The following TTN variants were observed in gnomAD, a reference collection of about 807,000 sequenced individuals.
TTN encodes the protein titin.
TTN carries 1,525 observed loss-of-function variants against 3,223.0 expected under a neutral mutation model. That is an observed-to-expected ratio of 0.47 (90% CI 0.45 to 0.49). The LOEUF is 0.49. Ranked by LOEUF, TTN falls within the 20% of genes least tolerant of loss-of-function variation. The pLI is 0.00. For missense variants in TTN, 40,786 were observed against 43,424.0 expected (o/e 0.94, Z 5.40); for synonymous variants, 14,094 against 15,161.0 (o/e 0.93, Z 5.17).
intron 236 of TTN, 133 bp from the exon 237 acceptor site, chr2:178,631,433 C>A: frequency 1.0e-6 from 1 of 979,430 alleles, no homozygotes; most frequent in South Asian, 1.8e-5. Flanking sequence ...AATCATTTAA[C>A]CTGTTTATGT....
intron 288 of TTN, chr2:178,600,414 T>C (rs1328203886): frequency 1.7e-5 from 1 of 58,544 alleles, no homozygotes; most frequent in Non-Finnish European, 2.8e-5. Flanking sequence ...TATTACCATA[T>C]ATATATATAT....
Position 178,781,930 on chromosome 2 carries a change from G to GT in TTN, c.3380+281_3380+282insA, listed in dbSNP as rs56172433. On this transcript the variant is annotated intron_variant, in intron 20 of 362. Coordinates refer to ENST00000589042, the MANE Select transcript of TTN (RefSeq NM_001267550.2). Reference sequence around the variant, plus strand: ...AGTGTGTGTGTGTGTGTGTGTGTGTGGGTGTGTTTGTGTGAAAATCCATAT... The same window carrying GT: ...AGTGTGTGTGTGTGTGTGTGTGTGTGTGGTGTGTTTGTGTGAAAATCCATAT... Among the ~76,000 whole-genome samples, 54 of 151,028 alleles carry GT rather than the reference G, an allele frequency of 3.6e-4. No individual in the cohort carries two copies. In the East Asian group the frequency reaches 3.7e-3, roughly 10 times the overall value.
At position 178,577,810 on chromosome 2, in the gene TTN, C is replaced by T. The variant is rs759830525; in HGVS notation, c.68616G>A (p.Lys22872=). 2 of 1,612,404 alleles carry T rather than the reference C, an allele frequency of 1.2e-6. No individual in the cohort carries two copies. Among genetic ancestry groups the T allele is most frequent in the Non-Finnish European group, 1.7e-6 (2 of 1,179,150 alleles). The part of the protein sequence containing the change: ...WTEPKYDGGH[K]LTGYIVEKRD... ...GCTTCTCCACTATATATCCAGTTAACTTATGACCACCGTCATATTTAGGTT... is the reference window on the plus strand; with the variant it reads ...GCTTCTCCACTATATATCCAGTTAATTTATGACCACCGTCATATTTAGGTT... Residue 22872 remains lysine (K), a synonymous_variant, in exon 323 of 363, where the codon AAG becomes AAA. Coordinates refer to ENST00000589042, the MANE Select transcript of TTN (RefSeq NM_001267550.2).
rs781674438 is a variant in TTN, at chr2:178,750,450, T to C, written c.11311+2674A>G. On this transcript the variant is annotated intron_variant, in intron 47 of 362. Coordinates refer to ENST00000589042, the MANE Select transcript of TTN (RefSeq NM_001267550.2). ...ATGATAAAGTTTTGATTACGTGGGA[T>C]TGGCATGTCATTGTTATACCACGTC... The C allele has an allele frequency of 6.8e-6, 11 of 1,612,874 alleles. No homozygotes were observed. The South Asian group carries it at 7.7e-5, about 11-fold the overall frequency.
chr2:178,759,715 A>T (rs183303417), intron 43 of TTN, among the ~76,000 whole-genome samples: 46 of 152,360 alleles, frequency 3.0e-4, no homozygotes, highest in Non-Finnish European at 6.2e-4. Context: ...ACTAATGAGC[A>T]AAAGGTTTCA....
In TTN at chr2:178,749,888, C is replaced by T. The variant is rs548018292; in HGVS notation, c.11311+3236G>A. 10 of 1,613,198 alleles carry T rather than the reference C, an allele frequency of 6.2e-6. No individual in the cohort carries two copies. The East Asian group carries it at 1.8e-4, about 29-fold the overall frequency. On this transcript the variant is annotated intron_variant, in intron 47 of 362. Coordinates refer to ENST00000589042, the MANE Select transcript of TTN (RefSeq NM_001267550.2). The stretch of plus-strand genomic sequence containing the variant: ...TTCAAGAATGATGGAATCCCCTTCT[C>T]TACACCTGGCATGCTTTGGCATTTC...
At position 178,636,507 on chromosome 2, in the gene TTN, G is replaced by A; in HGVS notation, c.41220C>T (p.Asp13740=). 6.2e-7 allele frequency: 1 copy of A among 1,613,454 alleles called. No homozygotes were observed. The highest frequency in any genetic ancestry group is 2.2e-5 in the East Asian group (1 of 44,774). The part of the protein sequence containing the change: ...PKHRFIADGK[D]RKLHIIDVQL... ...GAACATCAATGATGTGCAGCTTTCT[G>A]TCTTTACCATCTGCAATAAACCTGT... The change falls in exon 225 of 363, where the codon GAC becomes GAT. Residue 13740 remains aspartate (D), a synonymous_variant. Coordinates refer to ENST00000589042, the MANE Select transcript of TTN (RefSeq NM_001267550.2). This position sits in a 1 kb window ranked among gnomAD's most constrained non-coding sequence, Gnocchi z 4.3.
Position 178,736,081 on chromosome 2 carries a change from A to G in TTN, c.14372-7T>C. On this transcript the variant is annotated splice_polypyrimidine_tract_variant and splice_region_variant and intron_variant, in intron 49 of 362. Coordinates refer to ENST00000589042, the MANE Select transcript of TTN (RefSeq NM_001267550.2). Reference sequence around the variant, plus strand: ...AAGGTTGGTGGATATGCCTCTGCAAAAGAAATTTTTCCAGCATTACATTTA... The same window carrying G: ...AAGGTTGGTGGATATGCCTCTGCAAGAGAAATTTTTCCAGCATTACATTTA... 6.5e-7 allele frequency: 1 copy of G among 1,544,306 alleles called. No homozygotes were observed. The highest frequency in any genetic ancestry group is 2.3e-5 in the East Asian group (1 of 44,258).
rs1254178155 is a variant in TTN, at chr2:178,566,519, G to C, written c.79613C>G (p.Thr26538Ser). 1 of 1,613,406 alleles carries C rather than the reference G, an allele frequency of 6.2e-7. No homozygotes were observed. The highest frequency in any genetic ancestry group is 1.7e-5 in the Admixed American group (1 of 59,970). ...KADEEEWQIVTPQTGLRVTRF... is the reference protein window; with the variant it reads ...KADEEEWQIVSPQTGLRVTRF... ...AGTGACTCTCAGGCCAGTCTGTGGA[G>C]TAACTATTTGCCATTCTTCTTCATC... Residue 26538 changes from threonine to serine, a missense_variant, in exon 326 of 363, where the codon ACT becomes AGT. By Grantham distance (58) the Thr-to-Ser change is moderately conservative. Transcript: ENST00000589042.
rs769408487 is a variant in TTN at position 178,581,734 on chromosome 2, G to A, written c.66534C>T (p.Gly22178=). ...TTRSSVSLSW[G]KPAYDGGSPI... ...GGCTGCCGCCGTCATAGGCTGGCTTGCCCCAAGATAGACTCACAGAGCTGC... is the reference window on the plus strand; with the variant it reads ...GGCTGCCGCCGTCATAGGCTGGCTTACCCCAAGATAGACTCACAGAGCTGC... The change falls in exon 316 of 363, where the codon GGC becomes GGT. Residue 22178 remains glycine (G), a synonymous_variant. Coordinates refer to ENST00000589042, the MANE Select transcript of TTN (RefSeq NM_001267550.2). The A allele has an allele frequency of 3.1e-6, 5 of 1,609,100 alleles. No individual in the cohort carries two copies. The highest frequency in any genetic ancestry group is 4.2e-6 in the Non-Finnish European group (5 of 1,177,570).
At chr2:178,695,057 T>C (rs1174436361) in intron 115 of TTN, among the ~76,000 whole-genome samples, 151 bp from the exon 116 acceptor site, 2 of 151,858 alleles carry the variant, frequency 1.3e-5, no homozygotes, top group Non-Finnish European at 2.9e-5. Context: ...GAGAGATGAG[T>C]TCGGTTTTTT....
chr2:178,700,803 G>T (rs569126273), intron 111 of TTN, among the ~76,000 whole-genome samples: 259 of 151,688 alleles, frequency 1.7e-3, no homozygotes, highest in African/African-American at 6.0e-3. Flanking sequence ...ACTAGAAATT[G>T]GTTCCATTAT....
rs758101152 is a variant in TTN at position 178,620,102 on chromosome 2, C to G, written c.46315G>C (p.Glu15439Gln). 2 of 1,608,816 alleles carry G rather than the reference C, an allele frequency of 1.2e-6. No individual in the cohort carries two copies. Among genetic ancestry groups the G allele is most frequent in the African/African-American group, 1.3e-5 (1 of 74,608 alleles). Residue 15439 changes from glutamate to glutamine, a missense_variant, in exon 249 of 363, where the codon GAA becomes CAA. Transcript: ENST00000589042. Reference sequence around the variant, plus strand: ...AGTCTGTGTATACTTCCATCTTTTTCAAATTTGTATCTAAAGGAGACATTG... The same window carrying G: ...AGTCTGTGTATACTTCCATCTTTTTGAAATTTGTATCTAAAGGAGACATTG... ...EIKEGKKYKF[E>Q]KDGSIHRLII...
intron 45 of TTN, among the ~76,000 whole-genome samples, chr2:178,757,227 A>ATACTGTACTTGCTTTAAGTAGAGTAAG (rs1553968975): frequency 2.0e-5 from 3 of 150,314 alleles, no homozygotes; most frequent in Middle Eastern, 3.4e-3. Context: ...ACAGTAAGTA[A>ATACTGTACTTGCTTTAAGTAGAGTAAG]TAATCAGCAA....
rs756959571 is a variant in TTN at position 178,631,052 on chromosome 2, C to T, written c.43996G>A (p.Gly14666Arg). 3 of 1,613,060 alleles carry T rather than the reference C, an allele frequency of 1.9e-6. No individual in the cohort carries two copies. The highest frequency in any genetic ancestry group is 3.3e-5 in the Admixed American group (2 of 59,928). Reference sequence around the variant, plus strand: ...TCCTTACCCTCAATGTCAAGTTTTCCTGAGGTCTTATCTGTCCCACAGTCA... The same window carrying T: ...TCCTTACCCTCAATGTCAAGTTTTCTTGAGGTCTTATCTGTCCCACAGTCA... ...TCDCGTDKTSGKLDIEDREIK... is the reference protein window; with the variant it reads ...TCDCGTDKTSRKLDIEDREIK... Residue 14666 changes from glycine to arginine, a missense_variant, in exon 237 of 363, where the codon GGA becomes AGA. By Grantham distance (125) the Gly-to-Arg change is moderately radical. Coordinates refer to ENST00000589042, the MANE Select transcript of TTN (RefSeq NM_001267550.2).
In TTN at chr2:178,799,311, C is replaced by A. The variant is rs2093930393; in HGVS notation, c.914+176G>T. 1.7e-5 allele frequency: 16 copies of A among 946,782 alleles called. No homozygotes were observed. The South Asian group carries it at 2.6e-4, about 15-fold the overall frequency. The allele number at this position is 946,782 out of a possible 1,614,324, so 58.6% of individuals were successfully genotyped here. A position where few individuals can be genotyped will look rare whatever the true frequency, so the allele number is the denominator to read the frequency against. Reference sequence around the variant, plus strand: ...AAGCGGCTGGATGTCCAGAGGAACACGGAGCCCCACAACCTGCCCGTTTGT... The same window carrying A: ...AAGCGGCTGGATGTCCAGAGGAACAAGGAGCCCCACAACCTGCCCGTTTGT... On this transcript the variant is annotated intron_variant, in intron 6 of 362. Coordinates refer to ENST00000589042, the MANE Select transcript of TTN (RefSeq NM_001267550.2).
intron 129 of TTN, 45 bp downstream of exon 129, chr2:178,685,208 T>C: frequency 7.0e-7 from 1 of 1,433,352 alleles, no homozygotes. Flanking sequence ...TATTATTATA[T>C]ACATTAAAAT....
rs1229501632 is a variant in TTN at position 178,664,936 on chromosome 2, T to A, written c.36044-10A>T. The A allele has an allele frequency of 6.2e-7, 1 of 1,600,538 alleles. No individual in the cohort carries two copies. Among genetic ancestry groups the A allele is most frequent in the Non-Finnish European group, 8.5e-7 (1 of 1,173,952 alleles). Reference sequence around the variant, plus strand: ...TGAGGAGCTTCGGGCGCTTGAAAGATATTAGCAATTCACATTTAAGAGTTA... The same window carrying A: ...TGAGGAGCTTCGGGCGCTTGAAAGAAATTAGCAATTCACATTTAAGAGTTA... On this transcript the variant is annotated splice_polypyrimidine_tract_variant and intron_variant, in intron 165 of 362. Transcript: ENST00000589042.
Position 178,582,411 on chromosome 2 carries a change from G to A in TTN, c.66045C>T (p.Cys22015=). Residue 22015 remains cysteine, a synonymous_variant, in exon 314 of 363, where the codon TGC becomes TGT. Coordinates refer to ENST00000589042, the MANE Select transcript of TTN (RefSeq NM_001267550.2). ...GGCCCTCTATAAGTTTCTCCACGCT[G>A]CAGCTGGTGATAGGCACAGTTGCAG... ...QVSATVPITS[C]SVEKLIEGHE... 1 of 1,612,884 alleles carries A rather than the reference G, an allele frequency of 6.2e-7. No individual in the cohort carries two copies. Among genetic ancestry groups the A allele is most frequent in the Non-Finnish European group, 8.5e-7 (1 of 1,179,334 alleles).
Sources: gnomAD v4.1 joint callset for allele counts (sites outside exome capture counted in the v4.1 genomes callset) on GRCh38, gnomAD v4.1.1 for gene constraint, Gnocchi (gnomAD v3.1) non-coding constraint, MANE v1.5 for transcripts, NCBI Gene and HGNC (gene_info 2026-07-23, HGNC 2026-07-21) for gene names.